The following CYB5RL variants were observed in gnomAD, a reference collection of about 807,000 sequenced individuals.
The protein encoded by CYB5RL is cytochrome b5 reductase like.
Under a neutral mutation model 37.5 loss-of-function variants are expected in CYB5RL, and 38 were observed. The observed-to-expected ratio is 1.01, with a 90% CI of 0.78 to 1.33. The LOEUF (loss-of-function observed/expected upper bound fraction) is 1.33. Among genes scored for constraint, CYB5RL ranks in the 40% most tolerant of loss-of-function variants. The pLI, the probability that CYB5RL is intolerant of heterozygous loss-of-function variation, is 0.00. For missense variants in CYB5RL, 388 were observed against 394.4 expected (o/e 0.98, Z 0.14); for synonymous variants, 141 against 151.9 (o/e 0.93, Z 0.53).
Position 54,171,236 on chromosome 1 carries a change from G to A in CYB5RL, c.*3383C>T, listed in dbSNP as rs1659883898. ...TGGCCAGGCAGAGGAAGCAGCGAGT[G>A]TAAGGGATGAGCTGACGCAAGAGAA... On this transcript the variant is annotated 3_prime_UTR_variant, in exon 8 of 8. Coordinates refer to ENST00000534324, the MANE Select transcript of CYB5RL (RefSeq NM_001031672.4). 1 of 456,180 alleles carries A rather than the reference G, an allele frequency of 2.2e-6. No individual in the cohort carries two copies. The highest frequency in any genetic ancestry group is 3.3e-4 in the Middle Eastern group (1 of 3,070). The allele number at this position is 456,180 out of a possible 1,614,324, so 28.3% of individuals were successfully genotyped here.
At chr1:54,194,825 G>A (rs1015042720) in intron 3 of CYB5RL, among the ~76,000 whole-genome samples, 1 of 152,166 alleles carries the variant, frequency 6.6e-6, no homozygotes, top group Non-Finnish European at 1.5e-5. Context: ...AGAAGGAATA[G>A]GTCCTCAGTT....
In CYB5RL at chr1:54,171,061, A is replaced by G; in HGVS notation, c.*3558T>C. 1 of 447,400 alleles carries G rather than the reference A, an allele frequency of 2.2e-6. No individual in the cohort carries two copies. 27.7% of individuals were successfully genotyped at this position (447,400 alleles called of 1,614,324 possible). A position where few individuals can be genotyped will look rare whatever the true frequency, so the allele number is the denominator to read the frequency against. On this transcript the variant is annotated 3_prime_UTR_variant, in exon 8 of 8. Coordinates refer to ENST00000534324, the MANE Select transcript of CYB5RL (RefSeq NM_001031672.4). Reference sequence around the variant, plus strand: ...ACATGCAGATGACACTTATGGGTACAGCGACAGAAAAGCACACAAGCCTCT... The same window carrying G: ...ACATGCAGATGACACTTATGGGTACGGCGACAGAAAAGCACACAAGCCTCT...
chr1:54,199,000 G>C (rs1045198812), intron 1 of CYB5RL, among the ~76,000 whole-genome samples: 1 of 152,084 alleles, frequency 6.6e-6, no homozygotes, highest in Non-Finnish European at 1.5e-5. Flanking sequence ...AGTTGGCCAC[G>C]TCAGTCATGA....
rs1022964516 is a variant in CYB5RL at position 54,173,767 on chromosome 1, G to A, written c.*852C>T. 1 of 152,648 alleles carries A rather than the reference G, an allele frequency of 6.6e-6. No homozygotes were observed. The highest frequency in any genetic ancestry group is 2.4e-5 in the African/African-American group (1 of 41,444). 9.5% of individuals were successfully genotyped at this position (152,648 alleles called of 1,614,324 possible). Reference sequence around the variant, plus strand: ...CCAGGGGCACTGGGTTCCTGGGATAGGGGTGCCAGGTTCCTGGGGTGGGTG... The same window carrying A: ...CCAGGGGCACTGGGTTCCTGGGATAAGGGTGCCAGGTTCCTGGGGTGGGTG... On this transcript the variant is annotated 3_prime_UTR_variant, in exon 8 of 8. Transcript: ENST00000534324.
At chr1:54,197,439 T>C (rs1044691387) in intron 1 of CYB5RL, among the ~76,000 whole-genome samples, 6 of 151,568 alleles carry the variant, frequency 4.0e-5, no homozygotes, top group African/African-American at 1.5e-4. Flanking sequence ...TTCTCCTGCT[T>C]CAGCCACCCA....
intron 7 of CYB5RL, 38 bp downstream of exon 7, chr1:54,179,111 G>C (rs1343852142): frequency 6.3e-7 from 1 of 1,589,432 alleles, no homozygotes; most frequent in Admixed American, 1.8e-5. Context: ...GGACAGCAGA[G>C]TCTCAATCAA....
chr1:54,178,032 C>A (rs1230426609), intron 7 of CYB5RL, among the ~76,000 whole-genome samples: 1 of 152,228 alleles, frequency 6.6e-6, no homozygotes, highest in African/African-American at 2.4e-5. Context: ...GCGCCCACCC[C>A]TTGGGCTGCA....
chr1:54,188,794 T>G (rs1338726469), intron 4 of CYB5RL, among the ~76,000 whole-genome samples: 1 of 152,200 alleles, frequency 6.6e-6, no homozygotes, highest in Non-Finnish European at 1.5e-5. Flanking sequence ...CAAGTCCTAC[T>G]ACGTACAAAA....
Position 54,172,889 on chromosome 1 carries a change from G to C in CYB5RL, c.*1730C>G, listed in dbSNP as rs1460204476. ...ACATACTAGGCAGGAAGAGATCATG[G>C]TTCCTGCTCAGAATCTTTGACTCTC... On this transcript the variant is annotated 3_prime_UTR_variant, in exon 8 of 8. Coordinates refer to ENST00000534324, the MANE Select transcript of CYB5RL (RefSeq NM_001031672.4). The C allele has an allele frequency of 6.6e-6, 1 of 152,206 alleles. No individual in the cohort carries two copies. The highest frequency in any genetic ancestry group is 6.5e-5 in the Admixed American group (1 of 15,280). The allele number at this position is 152,206 out of a possible 1,614,324, so 9.4% of individuals were successfully genotyped here. A position where few individuals can be genotyped will look rare whatever the true frequency, so the allele number is the denominator to read the frequency against.
At chr1:54,186,174 T>C (rs1643894324) in intron 5 of CYB5RL, 1 of 152,310 alleles carries the variant, frequency 6.6e-6, no homozygotes, top group Admixed American at 6.5e-5. Context: ...AAATGTTTAA[T>C]ACATACTTGT....
At chr1:54,191,310 C>T (rs1643951708) in intron 3 of CYB5RL, among the ~76,000 whole-genome samples, 1 of 152,222 alleles carries the variant, frequency 6.6e-6, no homozygotes, top group African/African-American at 2.4e-5. Context: ...CCAGAACATT[C>T]ATCTCCAATG....
rs1288053487 is a variant in CYB5RL at position 54,190,791 on chromosome 1, T to A, written c.304A>T (p.Asn102Tyr). Residue 102 changes from asparagine to tyrosine, a missense_variant, in exon 4 of 8, where the codon AAC becomes TAC. Physicochemically the swap from Asn to Tyr is moderately radical, Grantham distance 143. Transcript: ENST00000534324. ...TYRVRFALPG[N>Y]SQLGLRPGQH... ...CCGGGCCGCAGGCCAAGCTGGCTGT[T>A]CCCGGGTAGAGCAAACCGGACACGG... 1.3e-6 allele frequency: 2 copies of A among 1,568,018 alleles called. No homozygotes were observed. Among genetic ancestry groups the A allele is most frequent in the African/African-American group, 2.7e-5 (2 of 73,860 alleles).
chr1:54,192,234 G>A lies in CYB5RL; in HGVS notation c.199-1338C>T, dbSNP rs1292726945. Reference sequence around the variant, plus strand: ...GAGTCTCGCTCTGTTGCCCAGGCTGGAGTGCAGTGGTGTGATCTCGGCTCA... The same window carrying A: ...GAGTCTCGCTCTGTTGCCCAGGCTGAAGTGCAGTGGTGTGATCTCGGCTCA... On this transcript the variant is annotated intron_variant, in intron 3 of 7. Coordinates refer to ENST00000534324, the MANE Select transcript of CYB5RL (RefSeq NM_001031672.4). Among the ~76,000 whole-genome samples, 30 of 148,142 alleles carry A rather than the reference G, an allele frequency of 2.0e-4. No individual in the cohort carries two copies. The Admixed American group carries it at 2.0e-3, about 10-fold the overall frequency.
At chr1:54,179,048 A>G in intron 7 of CYB5RL, 101 bp downstream of exon 7, 1 of 1,367,078 alleles carries the variant, frequency 7.3e-7, no homozygotes, top group Non-Finnish European at 1.0e-6. Context: ...GATTATGACC[A>G]CAGCATCCAT....
chr1:54,181,704 C>A (rs1455039976), intron 6 of CYB5RL, among the ~76,000 whole-genome samples: 2 of 152,216 alleles, frequency 1.3e-5, no homozygotes, highest in Non-Finnish European at 2.9e-5. Context: ...ATAATCCCAG[C>A]ACTTTGGGAG....
At position 54,173,031 on chromosome 1, in the gene CYB5RL, T is replaced by A. The variant is rs1244000606; in HGVS notation, c.*1588A>T. 1 of 151,928 alleles carries A rather than the reference T, an allele frequency of 6.6e-6. No individual in the cohort carries two copies. Among genetic ancestry groups the A allele is most frequent in the African/African-American group, 2.4e-5 (1 of 41,346 alleles). 9.4% of individuals were successfully genotyped at this position (151,928 alleles called of 1,614,324 possible). A position where few individuals can be genotyped will look rare whatever the true frequency, so the allele number is the denominator to read the frequency against. On this transcript the variant is annotated 3_prime_UTR_variant, in exon 8 of 8. Transcript: ENST00000534324. ...TCTGGATTAAACAAAATGAAAGGAG[T>A]TTCTTTGCCACTGGTCTTTTCAGGG...
chr1:54,184,012 T>C (rs1005680515), intron 6 of CYB5RL, 149 bp downstream of exon 6: 1 of 507,492 alleles, frequency 2.0e-6, no homozygotes, highest in African/African-American at 2.0e-5. Context: ...AATAAGTGTC[T>C]ATTCCATCTT....
At chr1:54,194,011 AATAATAATAATAATAATG>A (rs1322812532) in intron 3 of CYB5RL, among the ~76,000 whole-genome samples, 1 of 142,760 alleles carries the variant, frequency 7.0e-6, no homozygotes, top group Admixed American at 6.9e-5. Context: ...CCTCAATAAT[AATAATAATAATAATAATG>A]ATAATAATAA....
intron 5 of CYB5RL, among the ~76,000 whole-genome samples, chr1:54,186,806 CA>C (rs1341870547): frequency 7.2e-5 from 11 of 151,764 alleles, no homozygotes; most frequent in African/African-American, 1.9e-4. Flanking sequence ...GTCTCGGTGT[CA>C]GGGGGCAGGA....
Sources: allele counts gnomAD v4.1 joint callset (sites outside exome capture counted in the v4.1 genomes callset), GRCh38; gene constraint gnomAD v4.1.1; transcripts MANE v1.5; gene names NCBI Gene and HGNC (gene_info 2026-07-23, HGNC 2026-07-21).